GARIN1B: variants seen among roughly 807,000 people sequenced by gnomAD.
GARIN1B encodes Golgi-associated RAB2 interactor protein 1B.
the GARIN1B span, among the ~76,000 whole-genome samples, chr7:128,717,304 T>G: frequency 3.3e-5 from 5 of 152,156 alleles, no homozygotes; most frequent in African/African-American, 4.8e-5. Context: ...AAGGAGGCAG[T>G]GAGTCTGGCA....
chr7:128,726,910 T>C, the GARIN1B span: 1 of 1,579,054 alleles, frequency 6.3e-7, no homozygotes, highest in South Asian at 1.1e-5. Flanking sequence ...CAAAGAGCTT[T>C]CTACTCTGGA....
At chr7:128,718,652 T>C in the GARIN1B span, among the ~76,000 whole-genome samples, 4 of 152,200 alleles carry the variant, frequency 2.6e-5, no homozygotes, top group East Asian at 1.9e-4. Context: ...GTCTGCATTT[T>C]AAACAAGCTC....
chr7:128,723,204 A>G, the GARIN1B span: 3 of 1,611,166 alleles, frequency 1.9e-6, no homozygotes, highest in Non-Finnish European at 2.5e-6. Flanking sequence ...TAGTTAGTAC[A>G]GAAGAAACTC....
chr7:128,716,036 C>G, the GARIN1B span, among the ~76,000 whole-genome samples: 1 of 152,158 alleles, frequency 6.6e-6, no homozygotes, highest in African/African-American at 2.4e-5. Flanking sequence ...AACAATAATG[C>G]GGATTGGCGA....
At chr7:128,722,378 G>A in the GARIN1B span, among the ~76,000 whole-genome samples, 4 of 152,160 alleles carry the variant, frequency 2.6e-5, no homozygotes, top group African/African-American at 9.7e-5. Flanking sequence ...CGGAATGAAT[G>A]AGTGACTATG....
the GARIN1B span, among the ~76,000 whole-genome samples, chr7:128,709,750 C>CTGTTT: frequency 8.7e-6 from 1 of 114,618 alleles, no homozygotes; most frequent in Non-Finnish European, 1.8e-5. Context: ...CTCTCTCTCT[C>CTGTTT]TTTTTTTTTT....
chr7:128,730,184 C>T, the GARIN1B span: 7 of 1,228,756 alleles, frequency 5.7e-6, no homozygotes, highest in Non-Finnish European at 6.8e-6. Flanking sequence ...GGGGTGTGGT[C>T]GAGGAATGCT....
the GARIN1B span, chr7:128,717,040 G>C: frequency 6.5e-7 from 1 of 1,532,376 alleles, no homozygotes. Context: ...GGGGTGAGGG[G>C]TGGATGCAAA....
the GARIN1B span, among the ~76,000 whole-genome samples, chr7:128,727,692 A>T: frequency 6.6e-6 from 1 of 151,892 alleles, no homozygotes. Context: ...CTCTAGCCCA[A>T]ATCTTTTGCT....
At chr7:128,730,545 T>C in the GARIN1B span, among the ~76,000 whole-genome samples, 15 of 152,278 alleles carry the variant, frequency 9.9e-5, no homozygotes, top group East Asian at 1.9e-3. Flanking sequence ...TTAACAAACA[T>C]TTGTGAAGTA....
At chr7:128,716,840 G>C in the GARIN1B span, 1 of 1,612,564 alleles carries the variant, frequency 6.2e-7, no homozygotes, top group Non-Finnish European at 8.5e-7. Context: ...TTGGAGAGAC[G>C]TCTACAAAGC....
the GARIN1B span, chr7:128,719,083 G>C: frequency 6.2e-7 from 1 of 1,612,914 alleles, no homozygotes; most frequent in Non-Finnish European, 8.5e-7. Context: ...GAGATTCGAA[G>C]GTAAGTGAGC....
chr7:128,729,585 C>G, the GARIN1B span, among the ~76,000 whole-genome samples: 1 of 152,194 alleles, frequency 6.6e-6, no homozygotes, highest in Non-Finnish European at 1.5e-5. Context: ...GAAATCCACT[C>G]AGTTAACCCA....
the GARIN1B span, among the ~76,000 whole-genome samples, chr7:128,726,147 C>T: frequency 6.6e-6 from 1 of 152,212 alleles, no homozygotes. Flanking sequence ...TTTAGACTTC[C>T]AGTATCATGG....
chr7:128,731,543 C>T, the GARIN1B span: 1 of 235,788 alleles, frequency 4.2e-6, no homozygotes, highest in African/African-American at 2.2e-5. Context: ...AGAGAAGGGA[C>T]ACACCCCTGA....
At chr7:128,723,544 C>A in the GARIN1B span, 3 of 262,512 alleles carry the variant, frequency 1.1e-5, no homozygotes, top group South Asian at 8.6e-5. Flanking sequence ...CTGCCACTCA[C>A]TATCCAGTCT....
the GARIN1B span, chr7:128,729,991 A>C: frequency 6.2e-7 from 1 of 1,614,092 alleles, no homozygotes; most frequent in Non-Finnish European, 8.5e-7. Context: ...GGAAAGAGAG[A>C]ACCCCTCCGG....
At chr7:128,719,574 T>C in the GARIN1B span, among the ~76,000 whole-genome samples, 1 of 152,262 alleles carries the variant, frequency 6.6e-6, no homozygotes, top group East Asian at 1.9e-4. Context: ...TTACAACATA[T>C]AGTCTTTTGT....
At chr7:128,725,285 T>C in the GARIN1B span, among the ~76,000 whole-genome samples, 1 of 152,218 alleles carries the variant, frequency 6.6e-6, no homozygotes, top group Non-Finnish European at 1.5e-5. Context: ...TGGACTCTAA[T>C]AGAGCAAGGT....
Sources: allele counts gnomAD v4.1 joint callset (sites outside exome capture counted in the v4.1 genomes callset), GRCh38; gene constraint gnomAD v4.1.1; transcripts MANE v1.5; gene names NCBI Gene and HGNC (gene_info 2026-07-23, HGNC 2026-07-21).